SCOC: variants seen among roughly 807,000 people sequenced by gnomAD.
SCOC encodes short coiled coil protein.
SCOC carries 7 observed loss-of-function variants against 9.9 expected under a neutral mutation model. The ratio of observed to expected loss-of-function variants is 0.71; its 90% CI spans 0.40 to 1.33. SCOC has a LOEUF of 1.33. Ranked by LOEUF, SCOC falls within the 40% of genes most tolerant of loss-of-function variation. The pLI is 0.01. For missense variants in SCOC, 66 were observed against 89.7 expected (o/e 0.74, Z 1.07); for synonymous variants, 19 against 28.2 (o/e 0.67, Z 1.03).
At chr4:140,259,133 AGAAACAGAG>A (rs1730574201) in intron 1 of SCOC, among the ~76,000 whole-genome samples, 1 of 152,262 alleles carries the variant, frequency 6.6e-6, no homozygotes, top group African/African-American at 2.4e-5. Context: ...GGCAAGGCTC[AGAAACAGAG>A]GAAACACCTT....
intron 1 of SCOC, among the ~76,000 whole-genome samples, chr4:140,313,538 G>A (rs1469552121): frequency 6.6e-6 from 1 of 152,130 alleles, no homozygotes; most frequent in Non-Finnish European, 1.5e-5. Context: ...AGGCATGAAC[G>A]ACTGTGCCCG....
chr4:140,354,758 A>G (rs1217868339), intron 2 of SCOC, among the ~76,000 whole-genome samples: 1 of 151,750 alleles, frequency 6.6e-6, no homozygotes, highest in Non-Finnish European at 1.5e-5. Flanking sequence ...TTAATGCAGG[A>G]GTTGGAAAAA....
intron 1 of SCOC, among the ~76,000 whole-genome samples, chr4:140,322,452 G>A (rs1256173348): frequency 6.6e-6 from 1 of 152,166 alleles, no homozygotes; most frequent in Non-Finnish European, 1.5e-5. Context: ...TTCTGATGAG[G>A]TTGTAGATGA....
chr4:140,347,277 G>GA (rs1578836602), intron 2 of SCOC, among the ~76,000 whole-genome samples: 1 of 152,048 alleles, frequency 6.6e-6, no homozygotes, highest in African/African-American at 2.4e-5. Flanking sequence ...GGAGTACTGT[G>GA]AAAAAATTAC....
At chr4:140,344,685 T>C (rs1369567770) in intron 2 of SCOC, among the ~76,000 whole-genome samples, 2 of 152,238 alleles carry the variant, frequency 1.3e-5, no homozygotes, top group African/African-American at 4.8e-5. Flanking sequence ...TACTGGGCTG[T>C]TGAAGAAATG....
intron 2 of SCOC, among the ~76,000 whole-genome samples, chr4:140,348,145 TA>T (rs1375085814): frequency 9.2e-5 from 13 of 140,762 alleles, no homozygotes; most frequent in African/African-American, 2.9e-4. Flanking sequence ...CTCACATAGT[TA>T]TTTTTTTTAG....
At chr4:140,377,935 T>C (rs1431351798) in intron 1 of SCOC, among the ~76,000 whole-genome samples, 5 of 152,212 alleles carry the variant, frequency 3.3e-5, no homozygotes, top group Non-Finnish European at 7.4e-5. Flanking sequence ...TGCTTCAATG[T>C]AGTAGATTAG....
intron 1 of SCOC, among the ~76,000 whole-genome samples, chr4:140,313,061 G>C (rs1202297544): frequency 6.6e-6 from 1 of 152,116 alleles, no homozygotes; most frequent in Non-Finnish European, 1.5e-5. Context: ...CTCTTTTCCA[G>C]CTGGAAAGCC....
intron 1 of SCOC, among the ~76,000 whole-genome samples, chr4:140,286,695 T>C (rs931229892): frequency 1.3e-5 from 2 of 152,204 alleles, no homozygotes; most frequent in Non-Finnish European, 2.9e-5. Context: ...ACTGCCAATA[T>C]CACGGTTGGT....
At chr4:140,366,471 C>G in intron 2 of SCOC, 1 of 1,550,766 alleles carries the variant, frequency 6.4e-7, no homozygotes, top group South Asian at 1.1e-5. Context: ...GGAGAGCTGC[C>G]TTTTGAAGCT....
intron 1 of SCOC, among the ~76,000 whole-genome samples, chr4:140,311,228 C>G (rs1732147722): frequency 6.6e-6 from 1 of 152,132 alleles, no homozygotes; most frequent in Non-Finnish European, 1.5e-5. Flanking sequence ...AGACCCCTAT[C>G]TCTTAAAAAT....
chr4:140,332,109 A>G (rs1229654896), intron 1 of SCOC, among the ~76,000 whole-genome samples: 1 of 152,118 alleles, frequency 6.6e-6, no homozygotes, highest in Admixed American at 6.6e-5. Context: ...GTGCTAAACC[A>G]TTAGAAACCG....
chr4:140,345,272 C>T (rs1228218223), intron 2 of SCOC, among the ~76,000 whole-genome samples: 4 of 152,118 alleles, frequency 2.6e-5, no homozygotes, highest in Non-Finnish European at 5.9e-5. Flanking sequence ...ATTGCCGCCT[C>T]CTTCTCCTTT....
intron 1 of SCOC, among the ~76,000 whole-genome samples, chr4:140,329,080 T>C (rs527445300): frequency 1.2e-4 from 18 of 152,228 alleles, no homozygotes; most frequent in Non-Finnish European, 2.9e-5. Flanking sequence ...CAAAACAGCA[T>C]CGTATTGGTA....
intron 2 of SCOC, among the ~76,000 whole-genome samples, chr4:140,355,958 C>T (rs1727211142): frequency 6.6e-6 from 1 of 151,890 alleles, no homozygotes; most frequent in African/African-American, 2.4e-5. Context: ...AGGTATTAAT[C>T]CTAACATGGG....
chr4:140,362,103 T>C (rs1727499940), intron 2 of SCOC, among the ~76,000 whole-genome samples: 1 of 110,932 alleles, frequency 9.0e-6, no homozygotes, highest in South Asian at 4.1e-4. Flanking sequence ...CAAGGCTTTC[T>C]TTAGTTTTCT....
intron 2 of SCOC, among the ~76,000 whole-genome samples, chr4:140,356,530 C>A (rs561550431): frequency 5.1e-4 from 77 of 152,194 alleles, no homozygotes; most frequent in Non-Finnish European, 9.6e-4. Context: ...TGGAACAGTT[C>A]CTCCATCTTT....
chr4:140,377,287 G>A (rs148595681), intron 1 of SCOC, among the ~76,000 whole-genome samples: 1 of 152,328 alleles, frequency 6.6e-6, no homozygotes, highest in East Asian at 1.9e-4. Context: ...CAATGGAGAG[G>A]AATAGTTTTT....
At chr4:140,264,180 T>C (rs1560673468) in intron 1 of SCOC, among the ~76,000 whole-genome samples, 1 of 152,050 alleles carries the variant, frequency 6.6e-6, no homozygotes, top group Non-Finnish European at 1.5e-5. Context: ...TAAAAACATG[T>C]TTTTTAGAGA....
Sources: gnomAD v4.1 joint callset for allele counts (sites outside exome capture counted in the v4.1 genomes callset) on GRCh38, gnomAD v4.1.1 for gene constraint, MANE v1.5 for transcripts, NCBI Gene and HGNC (gene_info 2026-07-23, HGNC 2026-07-21) for gene names.